Variants in PLCB1 observed in about 807,000 individuals in gnomAD.
PLCB1 encodes the protein phospholipase C beta 1.
A neutral mutation model predicts 161.8 loss-of-function variants in PLCB1; 46 were observed. That is an observed-to-expected ratio of 0.28 (90% CI 0.22 to 0.36). PLCB1 has a LOEUF of 0.36. PLCB1 is among the 10% of genes least tolerant of loss of function. The pLI is 1.00. For synonymous variants in PLCB1, 517 were observed against 503.7 expected, an observed-to-expected ratio of 1.03 and a Z score of -0.35; for missense variants, 1,016 against 1,472.5, an observed-to-expected ratio of 0.69 and a Z score of 5.07.
rs144177060 is a variant in PLCB1 at position 8,812,631 on chromosome 20, G to A, written c.3423+22370G>A. On this transcript the variant is annotated intron_variant, in intron 31 of 31. Coordinates refer to ENST00000338037, the MANE Select transcript of PLCB1 (RefSeq NM_015192.4). ...TTTCACAGCACAGACCTATGAGGAT[G>A]CAGAGAGCAGCCTGGCAGGTCTAAG... is the stretch of plus-strand genomic sequence containing the variant. Among the ~76,000 whole-genome samples, 62 of 152,334 alleles carry A rather than the reference G, an allele frequency of 4.1e-4. 1 individual carries two copies. In the East Asian group the frequency reaches 0.011, roughly 28 times the overall value.
intron 2 of PLCB1, among the ~76,000 whole-genome samples, chr20:8,327,762 C>A (rs1477756980): frequency 1.3e-5 from 2 of 152,098 alleles, no homozygotes; most frequent in Non-Finnish European, 2.9e-5. Flanking sequence ...TGAGGGTTTT[C>A]TGGCTGTCAA....
At position 8,308,196 on chromosome 20, in the gene PLCB1, A is replaced by G. The variant is rs751011530; in HGVS notation, c.178-63186A>G. ...GAAGACCTTATTCTAATTCTTTCTG[A>G]GCAAAATACTTGCCCTTAATTTATT... is the stretch of plus-strand genomic sequence containing the variant. On this transcript the variant is annotated intron_variant, in intron 2 of 31. Coordinates refer to ENST00000338037, the MANE Select transcript of PLCB1 (RefSeq NM_015192.4). 2.1e-4 allele frequency among the ~76,000 whole-genome samples: 32 copies of G among 152,014 alleles called. 1 individual carries two copies. Among genetic ancestry groups the G allele is most frequent in the Non-Finnish European group, 3.7e-4 (25 of 67,906 alleles).
chr20:8,807,045 CTT>C (rs1196740446), intron 31 of PLCB1, among the ~76,000 whole-genome samples: 1 of 152,142 alleles, frequency 6.6e-6, no homozygotes, highest in African/African-American at 2.4e-5. Context: ...TTGTGTGTCT[CTT>C]TGAAGATCTT....
chr20:8,849,715 A>T (rs1472743043), intron 31 of PLCB1, among the ~76,000 whole-genome samples: 3 of 68,518 alleles, frequency 4.4e-5, no homozygotes, highest in African/African-American at 7.7e-5. Context: ...AGAAAATATA[A>T]AAAAAAGAAC....
intron 2 of PLCB1, among the ~76,000 whole-genome samples, chr20:8,236,270 C>T (rs1165262522): frequency 1.3e-5 from 2 of 152,106 alleles, no homozygotes; most frequent in Non-Finnish European, 2.9e-5. Context: ...GTGACTCACA[C>T]TTGTAATCCC....
At chr20:8,457,993 A>G (rs956595264) in intron 3 of PLCB1, among the ~76,000 whole-genome samples, 28 of 152,256 alleles carry the variant, frequency 1.8e-4, no homozygotes, top group African/African-American at 6.3e-4. Context: ...CATTTGGCAC[A>G]GACTTAAAGG....
chr20:8,413,273 A>G (rs1600384185), intron 3 of PLCB1, among the ~76,000 whole-genome samples: 1 of 152,206 alleles, frequency 6.6e-6, no homozygotes, highest in East Asian at 1.9e-4. Flanking sequence ...CCTTACTGTT[A>G]TTTAGAATTG....
chr20:8,706,371 T>TA (rs1978675580), intron 11 of PLCB1, among the ~76,000 whole-genome samples: 1 of 152,196 alleles, frequency 6.6e-6, no homozygotes, highest in South Asian at 2.1e-4. Context: ...GGAATGGTGA[T>TA]AAAATCTACC....
chr20:8,345,433 G>C (rs1330804355), intron 2 of PLCB1, among the ~76,000 whole-genome samples: 2 of 152,224 alleles, frequency 1.3e-5, no homozygotes, highest in East Asian at 1.9e-4. Context: ...TTTTGATGAT[G>C]TTCATGTGAA....
intron 3 of PLCB1, among the ~76,000 whole-genome samples, chr20:8,577,403 A>T (rs903058638): frequency 6.7e-6 from 1 of 148,804 alleles, no homozygotes; most frequent in Non-Finnish European, 1.5e-5. Flanking sequence ...GTGCCACTGC[A>T]CTCCAGCCTG....
chr20:8,839,154 G>A (rs1568619956), intron 31 of PLCB1, among the ~76,000 whole-genome samples: 1 of 152,318 alleles, frequency 6.6e-6, no homozygotes, highest in East Asian at 1.9e-4. Flanking sequence ...ATGTCAGAGG[G>A]TAGGAGATAT....
intron 2 of PLCB1, among the ~76,000 whole-genome samples, chr20:8,167,930 C>T (rs2051691978): frequency 6.6e-6 from 1 of 152,118 alleles, no homozygotes; most frequent in South Asian, 2.1e-4. Flanking sequence ...TGCAGCTACT[C>T]ATGGGTTGGA....
intron 31 of PLCB1, among the ~76,000 whole-genome samples, chr20:8,826,761 T>C (rs564443058): frequency 2.2e-4 from 34 of 152,346 alleles, no homozygotes; most frequent in African/African-American, 8.2e-4. Flanking sequence ...TCTAAATGGG[T>C]TTAATCAAGA....
At chr20:8,749,793 A>G (rs1246780253) in intron 23 of PLCB1, among the ~76,000 whole-genome samples, 1 of 152,242 alleles carries the variant, frequency 6.6e-6, no homozygotes, top group Non-Finnish European at 1.5e-5. Context: ...AGAAAGCAGC[A>G]TCTTCACTCT....
intron 3 of PLCB1, among the ~76,000 whole-genome samples, chr20:8,460,599 A>T (rs1981534798): frequency 6.6e-6 from 1 of 152,230 alleles, no homozygotes. Context: ...TAGGATGGCC[A>T]TGATCTTTAT....
At chr20:8,579,605 A>G (rs985967643) in intron 3 of PLCB1, among the ~76,000 whole-genome samples, 1 of 152,220 alleles carries the variant, frequency 6.6e-6, no homozygotes, top group African/African-American at 2.4e-5. Flanking sequence ...ATGGACAATG[A>G]CTAGAAAGAC....
At chr20:8,483,995 T>A (rs569640040) in intron 3 of PLCB1, among the ~76,000 whole-genome samples, 1 of 152,328 alleles carries the variant, frequency 6.6e-6, no homozygotes, top group South Asian at 2.1e-4. Flanking sequence ...TTGTTCCCTA[T>A]TCTTGGACCC....
At chr20:8,198,926 A>G (rs895296817) in intron 2 of PLCB1, among the ~76,000 whole-genome samples, 10 of 151,720 alleles carry the variant, frequency 6.6e-5, no homozygotes, top group African/African-American at 2.4e-4. Context: ...AGAGAGAGAA[A>G]GACACACACA....
intron 2 of PLCB1, among the ~76,000 whole-genome samples, chr20:8,179,558 G>A (rs577685802): frequency 1.1e-4 from 17 of 152,156 alleles, no homozygotes; most frequent in African/African-American, 4.1e-4. Context: ...GGTTTTCTAG[G>A]TACTAGGTAT....
Sources: allele counts gnomAD v4.1 joint callset (sites outside exome capture counted in the v4.1 genomes callset), GRCh38; gene constraint gnomAD v4.1.1; transcripts MANE v1.5; gene names NCBI Gene and HGNC (gene_info 2026-07-23, HGNC 2026-07-21).